Variants in PITPNB observed in about 807,000 individuals in gnomAD.
PITPNB encodes the protein phosphatidylinositol transfer protein beta.
PITPNB carries 16 observed loss-of-function variants against 45.9 expected under a neutral mutation model. The ratio of observed to expected loss-of-function variants is 0.35; its 90% confidence interval spans 0.24 to 0.53. The LOEUF is 0.53. Among genes scored for constraint, PITPNB ranks in the 20% least tolerant of loss-of-function variants. PITPNB has a pLI of 0.93. For missense variants in PITPNB, 188 were observed against 330.5 expected (o/e 0.57, Z 3.34); for synonymous variants, 112 against 108.9 (o/e 1.03, Z -0.18).
rs904266011 is a variant in PITPNB, at chr22:27,853,660, G to C, written c.*42C>G. Reference sequence around the variant, plus strand: ...GTTCCCCTCACTTGACCTTGATTACGTAACTGTAAGAAAAGTGAAAGACAG... The same window carrying C: ...GTTCCCCTCACTTGACCTTGATTACCTAACTGTAAGAAAAGTGAAAGACAG... On this transcript the variant is annotated 3_prime_UTR_variant, in exon 12 of 12. Coordinates refer to ENST00000335272, the MANE Select transcript of PITPNB (RefSeq NM_012399.5). 3 of 1,549,352 alleles carry C rather than the reference G, an allele frequency of 1.9e-6. No homozygotes were observed. Among genetic ancestry groups the C allele is most frequent in the Middle Eastern group, 1.7e-4 (1 of 6,018 alleles).
At chr22:27,915,614 T>C (rs1936054023) in intron 1 of PITPNB, among the ~76,000 whole-genome samples, 1 of 152,194 alleles carries the variant, frequency 6.6e-6, no homozygotes, top group Admixed American at 6.5e-5. Context: ...TCTTTGTCTT[T>C]CTGGTAACGG....
At chr22:27,884,189 G>A (rs945577297) in intron 7 of PITPNB, among the ~76,000 whole-genome samples, 1 of 152,064 alleles carries the variant, frequency 6.6e-6, no homozygotes, top group Non-Finnish European at 1.5e-5. Flanking sequence ...TGCAGCACTC[G>A]AAGCCCGTAA....
At chr22:27,890,357 A>T (rs1011454539) in intron 7 of PITPNB, among the ~76,000 whole-genome samples, 240 of 148,372 alleles carry the variant, frequency 1.6e-3, no homozygotes, top group African/African-American at 5.6e-3. Flanking sequence ...TACTGGAATT[A>T]TTTTTTTTTT....
At chr22:27,898,787 A>C (rs1488246541) in intron 3 of PITPNB, among the ~76,000 whole-genome samples, 1 of 152,230 alleles carries the variant, frequency 6.6e-6, no homozygotes, top group African/African-American at 2.4e-5. Flanking sequence ...TACATGATTA[A>C]TATATGAGAA....
chr22:27,899,509 G>C (rs1257725149), intron 3 of PITPNB, among the ~76,000 whole-genome samples: 1 of 152,050 alleles, frequency 6.6e-6, no homozygotes, highest in Non-Finnish European at 1.5e-5. Flanking sequence ...ATTTTTAGTA[G>C]AGACAGGGTT....
intron 3 of PITPNB, among the ~76,000 whole-genome samples, chr22:27,906,782 T>C (rs1935773591): frequency 1.3e-5 from 2 of 152,220 alleles, no homozygotes; most frequent in African/African-American, 4.8e-5. Context: ...AAAATCTCAT[T>C]ATCCCATGAG....
intron 4 of PITPNB, 112 bp from the exon 5 acceptor site, chr22:27,897,249 A>G (rs1935462096): frequency 1.3e-6 from 1 of 790,472 alleles, no homozygotes; most frequent in Non-Finnish European, 2.3e-6. Context: ...ACTATCTGAA[A>G]ACAGAACATT....
Position 27,896,551 on chromosome 22 carries a change from C to T in PITPNB, c.372+1G>A. The T allele has an allele frequency of 6.2e-7, 1 of 1,600,964 alleles. No individual in the cohort carries two copies. Among genetic ancestry groups the T allele is most frequent in the Non-Finnish European group, 8.6e-7 (1 of 1,167,988 alleles). On this transcript the variant is annotated splice_donor_variant, in intron 6 of 11. Coordinates refer to ENST00000335272, the MANE Select transcript of PITPNB (RefSeq NM_012399.5). LOFTEE classifies it high-confidence loss of function. ...ACTAAAAGTGCAGAGTTGAAACTTA[C>T]ATTTTCTAATGTTCCCAAGTCTGGT...
chr22:27,896,485 A>C, intron 6 of PITPNB, 67 bp downstream of exon 6: 2 of 1,029,288 alleles, frequency 1.9e-6, no homozygotes, highest in Non-Finnish European at 3.1e-6. Flanking sequence ...ATGATGACAA[A>C]GTGAACTACA....
At position 27,853,344 on chromosome 22, in the gene PITPNB, A is replaced by G. The variant is rs939998730; in HGVS notation, c.*358T>C. 2 of 400,266 alleles carry G rather than the reference A, an allele frequency of 5.0e-6. No homozygotes were observed. The highest frequency in any genetic ancestry group is 4.1e-5 in the African/African-American group (2 of 48,794). 24.8% of individuals were successfully genotyped at this position (400,266 alleles called of 1,614,324 possible). On this transcript the variant is annotated 3_prime_UTR_variant, in exon 12 of 12. Coordinates refer to ENST00000335272, the MANE Select transcript of PITPNB (RefSeq NM_012399.5). ...ATTAAAATCTGTTCCAGGTATATATATTGAAAATATTTTCTTTTGCATTCT... is the reference window on the plus strand; with the variant it reads ...ATTAAAATCTGTTCCAGGTATATATGTTGAAAATATTTTCTTTTGCATTCT...
intron 6 of PITPNB, 70 bp from the exon 7 acceptor site, chr22:27,894,708 TTTATC>T (rs1754813573): frequency 1.2e-6 from 1 of 860,526 alleles, no homozygotes; most frequent in Non-Finnish European, 1.9e-6. Flanking sequence ...ACATATAATC[TTTATC>T]TTGAGTCTCT....
intron 10 of PITPNB, among the ~76,000 whole-genome samples, chr22:27,857,186 C>T (rs1461900722): frequency 6.6e-6 from 1 of 152,126 alleles, no homozygotes; most frequent in African/African-American, 2.4e-5. Flanking sequence ...AGAAACCAAA[C>T]CCTAATTTAT....
chr22:27,908,988 T>C (rs966091395), intron 3 of PITPNB, among the ~76,000 whole-genome samples: 5 of 152,100 alleles, frequency 3.3e-5, no homozygotes, highest in Non-Finnish European at 7.4e-5. Flanking sequence ...TGGGTCACTG[T>C]AAATCAAGTA....
At chr22:27,876,560 T>C (rs1254547965) in intron 7 of PITPNB, among the ~76,000 whole-genome samples, 1 of 152,204 alleles carries the variant, frequency 6.6e-6, no homozygotes, top group African/African-American at 2.4e-5. Context: ...CTGAATTAAG[T>C]TGCAAGATAT....
At chr22:27,896,906 G>A (rs565168862) in intron 5 of PITPNB, 6 of 614,228 alleles carry the variant, frequency 9.8e-6, no homozygotes, top group African/African-American at 9.3e-5. Context: ...CGTTTGAAGG[G>A]AGTAACAAAA....
intron 7 of PITPNB, among the ~76,000 whole-genome samples, chr22:27,883,241 T>G (rs898569530): frequency 1.3e-5 from 2 of 152,220 alleles, no homozygotes; most frequent in African/African-American, 4.8e-5. Context: ...CAGCAAAAAG[T>G]TGTTCTCGAA....
chr22:27,919,248 G>T lies in PITPNB; in HGVS notation c.-57C>A. The T allele has an allele frequency of 6.8e-7, 1 of 1,481,210 alleles. No individual in the cohort carries two copies. Among genetic ancestry groups the T allele is most frequent in the African/African-American group, 1.4e-5 (1 of 72,498 alleles). The allele number at this position is 1,481,210 out of a possible 1,614,324, so 91.8% of individuals were successfully genotyped here. On this transcript the variant is annotated 5_prime_UTR_variant, in exon 1 of 12. Coordinates refer to ENST00000335272, the MANE Select transcript of PITPNB (RefSeq NM_012399.5). ...TACCACCGCCGCCGCCGCCGCTACCGCCTCTCACAGCGCCTGCGCGGCCCC... is the reference window on the plus strand; with the variant it reads ...TACCACCGCCGCCGCCGCCGCTACCTCCTCTCACAGCGCCTGCGCGGCCCC...
intron 7 of PITPNB, among the ~76,000 whole-genome samples, chr22:27,884,301 C>G (rs1426022789): frequency 6.6e-6 from 1 of 152,186 alleles, no homozygotes; most frequent in African/African-American, 2.4e-5. Flanking sequence ...AAATTATATT[C>G]ATGGGCAGGT....
chr22:27,891,213 G>A (rs1452431859), intron 7 of PITPNB, among the ~76,000 whole-genome samples: 1 of 152,080 alleles, frequency 6.6e-6, no homozygotes, highest in East Asian at 1.9e-4. Flanking sequence ...TTTAAAAATG[G>A]CTAAAAGGGT....
Sources: gnomAD v4.1 joint callset for allele counts (sites outside exome capture counted in the v4.1 genomes callset) on GRCh38, gnomAD v4.1.1 for gene constraint, MANE v1.5 for transcripts, NCBI Gene and HGNC (gene_info 2026-07-23, HGNC 2026-07-21) for gene names.